The following ANAPC10 variants were observed in gnomAD, a reference collection of about 807,000 sequenced individuals.
ANAPC10 encodes anaphase-promoting complex subunit 10.
Under a neutral mutation model 22.0 loss-of-function variants are expected in ANAPC10, and 12 were observed. The observed-to-expected ratio is 0.55, with a 90% CI of 0.35 to 0.88. The LOEUF (loss-of-function observed/expected upper bound fraction) is 0.88. Ranked by LOEUF, ANAPC10 falls within the 40% of genes least tolerant of loss-of-function variation. The pLI is 0.01. For synonymous variants in ANAPC10, 65 were observed against 69.5 expected (o/e 0.94, Z 0.32); for missense variants, 188 against 220.9 (o/e 0.85, Z 0.94).
At chr4:145,037,446 T>C (rs1738752539) in intron 4 of ANAPC10, among the ~76,000 whole-genome samples, 1 of 151,962 alleles carries the variant, frequency 6.6e-6, no homozygotes, top group Admixed American at 6.6e-5. Context: ...TAAATAAATA[T>C]TGAAAAGAAA....
chr4:145,054,999 A>G (rs1421403671), intron 4 of ANAPC10, among the ~76,000 whole-genome samples: 1 of 152,128 alleles, frequency 6.6e-6, no homozygotes, highest in Non-Finnish European at 1.5e-5. Flanking sequence ...TGCCGATGCT[A>G]ACTTTGCTTC....
chr4:145,017,149 C>T (rs573385274), intron 4 of ANAPC10, among the ~76,000 whole-genome samples: 2 of 152,146 alleles, frequency 1.3e-5, no homozygotes, highest in Admixed American at 6.5e-5. Flanking sequence ...AGAGCTTCTG[C>T]ACAGCAAAAG....
chr4:145,053,567 G>T, intron 4 of ANAPC10: 1 of 421,592 alleles, frequency 2.4e-6, no homozygotes, highest in Non-Finnish European at 4.2e-6. Context: ...TTTCTGTTTT[G>T]TACCATCAAC....
chr4:145,044,025 GTTCT>G (rs1221402346), intron 4 of ANAPC10, among the ~76,000 whole-genome samples: 2 of 151,978 alleles, frequency 1.3e-5, no homozygotes, highest in Non-Finnish European at 2.9e-5. Context: ...GAAAGTAAAT[GTTCT>G]TTCTCTCTTT....
chr4:145,072,546 T>G (rs1462097424), intron 3 of ANAPC10, among the ~76,000 whole-genome samples: 1 of 152,196 alleles, frequency 6.6e-6, no homozygotes, highest in African/African-American at 2.4e-5. Flanking sequence ...ACATAATGTT[T>G]TCATGAAAAC....
intron 4 of ANAPC10, among the ~76,000 whole-genome samples, chr4:145,021,554 C>A (rs1465504680): frequency 6.6e-6 from 1 of 152,084 alleles, no homozygotes; most frequent in Non-Finnish European, 1.5e-5. Flanking sequence ...AAATCTAACA[C>A]CTGAAACTAT....
At chr4:145,017,357 A>G (rs1307072922) in intron 4 of ANAPC10, among the ~76,000 whole-genome samples, 2 of 152,254 alleles carry the variant, frequency 1.3e-5, no homozygotes, top group Non-Finnish European at 2.9e-5. Context: ...CAGTCAACAG[A>G]CACATGAAAA....
chr4:145,066,988 G>C (rs1182388724), intron 3 of ANAPC10, among the ~76,000 whole-genome samples: 19 of 152,028 alleles, frequency 1.2e-4, no homozygotes, highest in Admixed American at 1.2e-3. Context: ...TTTTTTCTAA[G>C]CCATGAGTTA....
intron 4 of ANAPC10, among the ~76,000 whole-genome samples, chr4:145,060,001 T>C (rs530854083): frequency 6.6e-6 from 1 of 152,202 alleles, no homozygotes; most frequent in East Asian, 1.9e-4. Context: ...CATGAATTCA[T>C]GCACAAAAGT....
chr4:144,998,886 G>T (rs1732056205), intron 4 of ANAPC10, among the ~76,000 whole-genome samples: 2 of 151,860 alleles, frequency 1.3e-5, no homozygotes, highest in African/African-American at 4.8e-5. Context: ...TAATAAAGAA[G>T]AAAAGAGAAA....
At chr4:145,053,907 T>C (rs868350198) in intron 4 of ANAPC10, 3 of 445,528 alleles carry the variant, frequency 6.7e-6, no homozygotes, top group East Asian at 3.4e-5. Flanking sequence ...ATTACTACTG[T>C]GTGTGTGTGT....
chr4:145,020,819 A>G (rs1324616371), intron 4 of ANAPC10, among the ~76,000 whole-genome samples: 1 of 151,962 alleles, frequency 6.6e-6, no homozygotes, highest in Non-Finnish European at 1.5e-5. Context: ...CAAGAACTCA[A>G]TCCTTTTTAC....
At chr4:145,034,366 G>C (rs1738118063) in intron 4 of ANAPC10, among the ~76,000 whole-genome samples, 1 of 151,948 alleles carries the variant, frequency 6.6e-6, no homozygotes, top group African/African-American at 2.4e-5. Context: ...CTCCCAGCCT[G>C]CATCTTTCTC....
intron 3 of ANAPC10, among the ~76,000 whole-genome samples, chr4:145,073,272 G>T (rs1297053842): frequency 6.6e-6 from 1 of 152,178 alleles, no homozygotes; most frequent in Non-Finnish European, 1.5e-5. Flanking sequence ...ATGCAATAAA[G>T]TATTCTATAA....
rs567682276 is a variant in ANAPC10, at chr4:145,031,991, C to T, written c.327+32581G>A. Among the ~76,000 whole-genome samples, 11 of 152,282 alleles carry T rather than the reference C, an allele frequency of 7.2e-5. No homozygotes were observed. The South Asian group carries it at 2.1e-3, about 29-fold the overall frequency. On this transcript the variant is annotated intron_variant, in intron 4 of 4. Transcript: ENST00000507656. ...GAAGTGGTATATACGTGATCAGGCTCGAGCAGGTCCGGAAGGCACAAGTTA... is the reference window on the plus strand; with the variant it reads ...GAAGTGGTATATACGTGATCAGGCTTGAGCAGGTCCGGAAGGCACAAGTTA...
chr4:145,047,928 C>T (rs1740562771), intron 4 of ANAPC10, among the ~76,000 whole-genome samples: 1 of 152,020 alleles, frequency 6.6e-6, no homozygotes, highest in Non-Finnish European at 1.5e-5. Context: ...CCTAAAGTAC[C>T]TTGCTTATCA....
chr4:145,081,305 C>T lies in ANAPC10; in HGVS notation c.206+355G>A, dbSNP rs1745980952. 1.3e-5 allele frequency among the ~76,000 whole-genome samples: 2 copies of T among 151,084 alleles called. 1 individual carries two copies. The highest frequency in any genetic ancestry group is 4.2e-4 in the South Asian group (2 of 4,804). On this transcript the variant is annotated intron_variant, in intron 3 of 4. Coordinates refer to ENST00000507656, the MANE Select transcript of ANAPC10 (RefSeq NM_001256706.2). ...GAATATTCCACAGCTAAAAAACTTA[C>T]GATCACTCCAGGTTTACTTAATATG...
intron 4 of ANAPC10, among the ~76,000 whole-genome samples, chr4:145,040,342 T>C (rs1484170385): frequency 6.6e-6 from 1 of 152,142 alleles, no homozygotes; most frequent in Non-Finnish European, 1.5e-5. Flanking sequence ...GAGACGGGGT[T>C]TCTCCATGTT....
At chr4:145,094,267 C>T (rs778280525) in intron 2 of ANAPC10, among the ~76,000 whole-genome samples, 1 of 152,116 alleles carries the variant, frequency 6.6e-6, no homozygotes, top group Non-Finnish European at 1.5e-5. Flanking sequence ...GTATTTATAT[C>T]GGCATTCTGG....
Sources: allele counts gnomAD v4.1 joint callset (sites outside exome capture counted in the v4.1 genomes callset), GRCh38; gene constraint gnomAD v4.1.1; transcripts MANE v1.5; gene names NCBI Gene and HGNC (gene_info 2026-07-23, HGNC 2026-07-21).